DNAH5: variants seen among roughly 807,000 people sequenced by gnomAD.
DNAH5 encodes dynein axonemal heavy chain 5.
DNAH5 carries 372 observed loss-of-function variants against 518.2 expected under a neutral mutation model. The observed-to-expected ratio is 0.72, with a 90% CI of 0.66 to 0.78. DNAH5 has a LOEUF of 0.78. Among genes scored for constraint, DNAH5 ranks in the 30% least tolerant of loss-of-function variants. The pLI is 0.00. For missense variants in DNAH5, 5,523 were observed against 5,687.0 expected (o/e 0.97, Z 0.93); for synonymous variants, 2,039 against 2,025.9 (o/e 1.01, Z -0.17).
intron 30 of DNAH5, among the ~76,000 whole-genome samples, chr5:13,854,987 T>A (rs1239832516): frequency 6.6e-6 from 1 of 152,132 alleles, no homozygotes; most frequent in Admixed American, 6.5e-5. Flanking sequence ...AACCTAAAAA[T>A]TTTCAAATGT....
Position 13,701,415 on chromosome 5 carries a change from G to C in DNAH5, c.13360C>G (p.Leu4454Val). 1.9e-6 allele frequency: 3 copies of C among 1,613,080 alleles called. No individual in the cohort carries two copies. Among genetic ancestry groups the C allele is most frequent in the Non-Finnish European group, 2.5e-6 (3 of 1,179,312 alleles). Reference sequence around the variant, plus strand: ...ATAAGTTCAGTAAACCAGAAACCCAGTGTACTAGAAATCCAAGAAGCCTGC... The same window carrying C: ...ATAAGTTCAGTAAACCAGAAACCCACTGTACTAGAAATCCAAGAAGCCTGC... Reference protein sequence around the residue: ...WKKASWISSTLGFWFTELIER... With the variant: ...WKKASWISSTVGFWFTELIER... The change falls in exon 77 of 79, where the codon CTG becomes GTG. Residue 4454 changes from leucine (L) to valine (V), a missense_variant. Around this residue, in one of 3 missense-constraint regions of DNAH5, gnomAD observed 387 missense variants for 430.0 expected, o/e 0.90. Coordinates refer to ENST00000265104, the MANE Select transcript of DNAH5 (RefSeq NM_001369.3).
At chr5:13,857,792 G>A (rs539169443) in intron 30 of DNAH5, among the ~76,000 whole-genome samples, 8 of 152,204 alleles carry the variant, frequency 5.3e-5, no homozygotes, top group Middle Eastern at 3.4e-3. Context: ...ATGATGTTGG[G>A]AAAACTGGCT....
intron 35 of DNAH5, among the ~76,000 whole-genome samples, 169 bp from the exon 36 acceptor site, chr5:13,830,944 C>T (rs919940308): frequency 7.9e-5 from 12 of 152,140 alleles, no homozygotes; most frequent in Non-Finnish European, 1.6e-4. Flanking sequence ...TCAATGTTAA[C>T]ATATGTTGAG....
intron 7 of DNAH5, among the ~76,000 whole-genome samples, 155 bp downstream of exon 7, chr5:13,919,021 C>A (rs1248847418): frequency 6.6e-6 from 1 of 152,124 alleles, no homozygotes; most frequent in Admixed American, 6.5e-5. Flanking sequence ...ATTTCCGCAG[C>A]CTCCAAAGTG....
intron 12 of DNAH5, among the ~76,000 whole-genome samples, chr5:13,907,336 CAGGAG>C (rs1775434779): frequency 6.6e-6 from 1 of 152,120 alleles, no homozygotes; most frequent in African/African-American, 2.4e-5. Flanking sequence ...GAGGCTGAGG[CAGGAG>C]AATCGCTTGA....
upstream of DNAH5, among the ~76,000 whole-genome samples, chr5:13,946,806 C>G (rs896939807): frequency 5.3e-5 from 8 of 152,230 alleles, no homozygotes; most frequent in Admixed American, 2.6e-4. Context: ...TACCTGCAGG[C>G]AAAGTTTGAA....
At chr5:13,946,387 G>C (rs1329951545), upstream of DNAH5, among the ~76,000 whole-genome samples, 7 of 152,242 alleles carry the variant, frequency 4.6e-5, no homozygotes, top group Non-Finnish European at 1.0e-4. Context: ...CCTCGGGCAA[G>C]GTAGATGGCG....
At chr5:13,815,450 C>A (rs954422259) in intron 42 of DNAH5, among the ~76,000 whole-genome samples, 7 of 152,164 alleles carry the variant, frequency 4.6e-5, no homozygotes, top group African/African-American at 1.7e-4. Flanking sequence ...TATAAAGAGA[C>A]CTCAGAGAAC....
chr5:13,788,499 C>T (rs1156830314), intron 51 of DNAH5, among the ~76,000 whole-genome samples: 1 of 152,164 alleles, frequency 6.6e-6, no homozygotes, highest in Non-Finnish European at 1.5e-5. Context: ...ACTTTAATAT[C>T]CAAGCGTGAT....
At chr5:13,925,189 A>G (rs1361647900) in intron 3 of DNAH5, among the ~76,000 whole-genome samples, 2 of 152,052 alleles carry the variant, frequency 1.3e-5, no homozygotes, top group African/African-American at 4.8e-5. Flanking sequence ...GGCTAATATC[A>G]CCTGGGTCTC....
upstream of DNAH5, among the ~76,000 whole-genome samples, chr5:13,949,257 G>A (rs1275634618): frequency 6.6e-6 from 1 of 151,930 alleles, no homozygotes; most frequent in Non-Finnish European, 1.5e-5. Context: ...AAACATGAAG[G>A]CCAGTATGAT....
At chr5:13,990,106 C>T (rs919575953) in intron 1 of DNAH5, among the ~76,000 whole-genome samples, 5 of 146,954 alleles carry the variant, frequency 3.4e-5, no homozygotes, top group Non-Finnish European at 1.5e-5. Flanking sequence ...CTTCTGTGCA[C>T]TTAAATAATA....
chr5:13,802,070 A>ATT (rs1561297315), intron 47 of DNAH5, among the ~76,000 whole-genome samples: 24 of 152,142 alleles, frequency 1.6e-4, no homozygotes, highest in African/African-American at 5.8e-4. Context: ...TGATTTTTAA[A>ATT]AAAAAAAAAT....
At chr5:13,842,825 A>G (rs1223001812) in intron 32 of DNAH5, among the ~76,000 whole-genome samples, 1 of 152,172 alleles carries the variant, frequency 6.6e-6, no homozygotes, top group Non-Finnish European at 1.5e-5. Context: ...GATTGTAGAA[A>G]CCTTATGGCA....
At chr5:13,715,514 G>A (rs921533634) in intron 74 of DNAH5, among the ~76,000 whole-genome samples, 20 of 152,310 alleles carry the variant, frequency 1.3e-4, no homozygotes, top group African/African-American at 4.3e-4. Context: ...TAATAAAAGT[G>A]CAGAGGCGGT....
chr5:13,783,012 A>G (rs1160033328), intron 52 of DNAH5, among the ~76,000 whole-genome samples: 1 of 152,202 alleles, frequency 6.6e-6, no homozygotes, highest in Non-Finnish European at 1.5e-5. Context: ...CATGGTGAGC[A>G]CTGGCACAGA....
intron 1 of DNAH5, among the ~76,000 whole-genome samples, chr5:13,937,834 A>G (rs10065970): frequency 0.4 from 60,668 of 151,902 alleles, 13,447 homozygotes; most frequent in East Asian, 0.7. Context: ...TTCTTTATAT[A>G]TGTGTATTCA....
At chr5:13,864,727 C>CA in intron 27 of DNAH5, 90 bp from the exon 28 acceptor site, 5 of 1,416,108 alleles carry the variant, frequency 3.5e-6, no homozygotes, top group Non-Finnish European at 5.0e-6. Context: ...CTATTAAAAA[C>CA]AGTCTCTTTG....
chr5:13,947,545 A>T (rs539992267), upstream of DNAH5, among the ~76,000 whole-genome samples: 1 of 152,336 alleles, frequency 6.6e-6, no homozygotes, highest in East Asian at 1.9e-4. Context: ...TCTGCAAAAG[A>T]GTTATGACTA....
Sources: allele counts gnomAD v4.1 joint callset (sites outside exome capture counted in the v4.1 genomes callset), GRCh38; gene constraint gnomAD v4.1.1; regional missense constraint gnomAD v4.1.1; transcripts MANE v1.5; gene names NCBI Gene and HGNC (gene_info 2026-07-23, HGNC 2026-07-21).